Variants in PCDHGA11 observed in about 807,000 individuals in gnomAD.
The protein encoded by PCDHGA11 is protocadherin gamma subfamily A, 11, also known as protocadherin gamma-A11.
In PCDHGA11, 39 loss-of-function variants were observed where a neutral mutation model predicts 60.4. That is an observed-to-expected ratio of 0.65 (90% CI 0.50 to 0.84). The LOEUF (loss-of-function observed/expected upper bound fraction) is 0.84. Ranked by LOEUF, PCDHGA11 falls within the 40% of genes least tolerant of loss-of-function variation. The probability of loss-of-function intolerance (pLI) is 0.00; values close to 1 mark genes in which losing one functional copy is unlikely to be tolerated. For missense variants in PCDHGA11, 1,165 were observed against 1,197.7 expected, an observed-to-expected ratio of 0.97 and a Z score of 0.40; for synonymous variants, 533 against 510.3, an observed-to-expected ratio of 1.04 and a Z score of -0.60.
At chr5:141,466,871 T>C (rs1432611218) in intron 1 of PCDHGA11, among the ~76,000 whole-genome samples, 2 of 152,166 alleles carry the variant, frequency 1.3e-5, no homozygotes, top group African/African-American at 4.8e-5. Flanking sequence ...ATCCACACAT[T>C]TTTTTCATAA....
Position 141,421,312 on chromosome 5 carries a change from G to A in PCDHGA11, c.85G>A (p.Ala29Thr), listed in dbSNP as rs375071225. ...IFLGTLRGFRARQIRYSVPEE... is the reference protein window; with the variant it reads ...IFLGTLRGFRTRQIRYSVPEE... ...CCTGGGGACGCTGCGGGGGTTCCGGGCCAGGCAGATCCGATATTCGGTGCC... is the reference window on the plus strand; with the variant it reads ...CCTGGGGACGCTGCGGGGGTTCCGGACCAGGCAGATCCGATATTCGGTGCC... The change falls in exon 1 of 4, where the codon GCC (alanine) becomes ACC (threonine). Residue 29 changes from alanine to threonine, a missense_variant. By Grantham distance (58) the Ala-to-Thr change is moderately conservative. Coordinates refer to ENST00000398587, the MANE Select transcript of PCDHGA11 (RefSeq NM_018914.3). The A allele has an allele frequency of 1.9e-5, 31 of 1,613,630 alleles. No homozygotes were observed. The highest frequency in any genetic ancestry group is 1.4e-5 in the Non-Finnish European group (17 of 1,179,886).
Position 141,432,136 on chromosome 5 carries a change from T to C in PCDHGA11, c.2433+8476T>C, listed in dbSNP as rs766026174. 2 of 1,613,960 alleles carry C rather than the reference T, an allele frequency of 1.2e-6. No individual in the cohort carries two copies. The highest frequency in any genetic ancestry group is 1.7e-5 in the Admixed American group (1 of 59,996). On this transcript the variant is annotated intron_variant, in intron 1 of 3. Transcript: ENST00000398587. The surrounding 1 kb of genome is among the most constrained non-coding windows in gnomAD (Gnocchi z 6.0). ...TCTTCCCTCAGGCCTCCTATTCCGC[T>C]TATATCCCAGAGAACAATCCCAGAG...
Position 141,490,800 on chromosome 5 carries a change from TACCTTTG to T in PCDHGA11, c.2434-4004_2434-3998del, listed in dbSNP as rs763340907. Reference sequence around the variant, plus strand: ...AGGATGGACGGATCTTTGCCCAGCGTACCTTTGACTATGAATTGCTGCAGATGCTGCA... The same window carrying T: ...AGGATGGACGGATCTTTGCCCAGCGTACTATGAATTGCTGCAGATGCTGCA... On this transcript the variant is annotated intron_variant, in intron 1 of 3. Transcript: ENST00000398587. The surrounding 1 kb of genome is among the most constrained non-coding windows in gnomAD (Gnocchi z 5.4). 2.5e-6 allele frequency: 4 copies of T among 1,613,968 alleles called. No homozygotes were observed. The highest frequency in any genetic ancestry group is 1.7e-6 in the Non-Finnish European group (2 of 1,179,894).
intron 2 of PCDHGA11, among the ~76,000 whole-genome samples, chr5:141,499,192 C>T (rs1048812227): frequency 1.1e-4 from 17 of 152,106 alleles, no homozygotes; most frequent in South Asian, 2.1e-4. Flanking sequence ...CCATTTCCCC[C>T]TTCTTAGGCT....
rs562192762 is a variant in PCDHGA11, at chr5:141,485,718, T to C, written c.2434-9089T>C. 1 of 1,614,058 alleles carries C rather than the reference T, an allele frequency of 6.2e-7. No homozygotes were observed. The highest frequency in any genetic ancestry group is 2.2e-5 in the East Asian group (1 of 44,866). On this transcript the variant is annotated intron_variant, in intron 1 of 3. Coordinates refer to ENST00000398587, the MANE Select transcript of PCDHGA11 (RefSeq NM_018914.3). This position sits in a 1 kb window ranked among gnomAD's most constrained non-coding sequence, Gnocchi z 5.7. ...TCCAATGAACACTTTGCACTGGATG[T>C]GAAGAAGCGCAGCGACGGCAGCCTG...
intron 1 of PCDHGA11, 88 bp from the exon 2 acceptor site, chr5:141,494,719 C>T: frequency 6.2e-7 from 1 of 1,605,960 alleles, no homozygotes; most frequent in Non-Finnish European, 8.5e-7. Flanking sequence ...CCACTCCCCT[C>T]CTTCTCTCCC....
chr5:141,507,478 C>A (rs933478897), intron 3 of PCDHGA11, among the ~76,000 whole-genome samples: 3 of 152,158 alleles, frequency 2.0e-5, no homozygotes, highest in Non-Finnish European at 4.4e-5. Context: ...GGACTGCTGG[C>A]CTCCTGAGGC....
chr5:141,482,661 T>G (rs1215403061), intron 1 of PCDHGA11, among the ~76,000 whole-genome samples: 1 of 151,742 alleles, frequency 6.6e-6, no homozygotes, highest in Non-Finnish European at 1.5e-5. Flanking sequence ...TGAGCTATGA[T>G]CTAAAGGTTG....
rs1594951324 is a variant in PCDHGA11, at chr5:141,490,871, T to G, written c.2434-3936T>G. 6.2e-7 allele frequency: 1 copy of G among 1,613,918 alleles called. No individual in the cohort carries two copies. The highest frequency in any genetic ancestry group is 8.5e-7 in the Non-Finnish European group (1 of 1,179,944). On this transcript the variant is annotated intron_variant, in intron 1 of 3. Coordinates refer to ENST00000398587, the MANE Select transcript of PCDHGA11 (RefSeq NM_018914.3). This position sits in a 1 kb window ranked among gnomAD's most constrained non-coding sequence, Gnocchi z 5.4. ...GTTCGAGACTCCGGCTCTCCCCCAT[T>G]GCATGCCAACACATCTCTGCATGTG...
At chr5:141,455,605 T>C (rs930071553) in intron 1 of PCDHGA11, among the ~76,000 whole-genome samples, 2 of 152,098 alleles carry the variant, frequency 1.3e-5, no homozygotes, top group African/African-American at 4.8e-5. Flanking sequence ...TAGGGCGCCA[T>C]GGATGTTCTA....
At chr5:141,426,586 G>A (rs2096944939) in intron 1 of PCDHGA11, 1 of 363,442 alleles carries the variant, frequency 2.8e-6, no homozygotes, top group African/African-American at 2.1e-5. Flanking sequence ...AAAATCCTCT[G>A]TGTCATACCC....
In PCDHGA11 at chr5:141,422,348, A is replaced by G. The variant is rs1163115969; in HGVS notation, c.1121A>G (p.Asp374Gly). The change falls in exon 1 of 4, where the codon GAT becomes GGT. Residue 374 changes from aspartate to glycine, a missense_variant. Physicochemically the swap from Asp to Gly is moderately conservative, Grantham distance 94 (BLOSUM62 -1). Transcript: ENST00000398587. Reference sequence around the variant, plus strand: ...GTGATTGCTCTTCTAAATGTGCAAGATCAAGATTCTGGAGAAAATGGTCAA... The same window carrying G: ...GTGATTGCTCTTCTAAATGTGCAAGGTCAAGATTCTGGAGAAAATGGTCAA... ...GTVIALLNVQ[D>G]QDSGENGQVS... is the part of the protein sequence containing the mutation. The G allele has an allele frequency of 6.4e-7, 1 of 1,554,608 alleles. No homozygotes were observed. The highest frequency in any genetic ancestry group is 8.7e-7 in the Non-Finnish European group (1 of 1,155,818).
chr5:141,448,983 T>G (rs1157371020), intron 1 of PCDHGA11, among the ~76,000 whole-genome samples: 1 of 152,004 alleles, frequency 6.6e-6, no homozygotes, highest in East Asian at 1.9e-4. Flanking sequence ...ACTTCCATAT[T>G]AATATATAGA....
In PCDHGA11 at chr5:141,491,244, T is replaced by G. The variant is rs754328211; in HGVS notation, c.2434-3563T>G. The G allele has an allele frequency of 6.2e-6, 10 of 1,614,092 alleles. No homozygotes were observed. The South Asian group carries it at 1.1e-4, about 18-fold the overall frequency. ...CCACAGTGCTGCTGGTTCTGGAGGA[T>G]GAGGACCCTGAGGAAATGCCCAAAT... On this transcript the variant is annotated intron_variant, in intron 1 of 3. Transcript: ENST00000398587. This position sits in a 1 kb window ranked among gnomAD's most constrained non-coding sequence, Gnocchi z 6.9.
At chr5:141,502,708 A>G (rs1172090234) in intron 2 of PCDHGA11, among the ~76,000 whole-genome samples, 1 of 152,204 alleles carries the variant, frequency 6.6e-6, no homozygotes, top group Non-Finnish European at 1.5e-5. Flanking sequence ...CTGTTTTTAC[A>G]TCAGTGATTA....
At chr5:141,474,452 G>A (rs1341193950) in intron 1 of PCDHGA11, among the ~76,000 whole-genome samples, 1 of 152,158 alleles carries the variant, frequency 6.6e-6, no homozygotes, top group Non-Finnish European at 1.5e-5. Flanking sequence ...CAAGTGATTG[G>A]GCTATACTCT....
At chr5:141,501,550 A>G (rs1251701030) in intron 2 of PCDHGA11, among the ~76,000 whole-genome samples, 3 of 152,078 alleles carry the variant, frequency 2.0e-5, no homozygotes, top group Non-Finnish European at 4.4e-5. Flanking sequence ...ATAAGATCAT[A>G]GGCCCTGGAA....
chr5:141,478,364 G>A (rs1382073187), intron 1 of PCDHGA11: 2 of 1,613,660 alleles, frequency 1.2e-6, no homozygotes, highest in African/African-American at 2.7e-5. Flanking sequence ...CGTGCGGGGA[G>A]GCCTGATGTC....
chr5:141,499,881 T>A (rs2099795027), intron 2 of PCDHGA11, among the ~76,000 whole-genome samples: 1 of 152,082 alleles, frequency 6.6e-6, no homozygotes, highest in African/African-American at 2.4e-5. Flanking sequence ...ACAAACAGGG[T>A]TTCGCCATGT....
Sources: gnomAD v4.1 joint callset for allele counts (sites outside exome capture counted in the v4.1 genomes callset) on GRCh38, gnomAD v4.1.1 for gene constraint, Gnocchi (gnomAD v3.1) non-coding constraint, MANE v1.5 for transcripts, NCBI Gene and HGNC (gene_info 2026-07-23, HGNC 2026-07-21) for gene names.